The following PPP2R2B variants were observed in gnomAD, a reference collection of about 807,000 sequenced individuals.
PPP2R2B encodes serine/threonine-protein phosphatase 2A 55 kDa regulatory subunit B beta isoform.
In PPP2R2B, 5 loss-of-function variants were observed where a neutral mutation model predicts 46.0. The ratio of observed to expected loss-of-function variants is 0.11; its 90% CI spans 0.06 to 0.23. The LOEUF is 0.23. Ranked by LOEUF, PPP2R2B falls within the 10% of genes least tolerant of loss-of-function variation. PPP2R2B has a pLI of 1.00. For missense variants in PPP2R2B, 367 were observed against 575.0 expected (o/e 0.64, Z 3.70); for synonymous variants, 215 against 206.7 (o/e 1.04, Z -0.34).
intron 1 of PPP2R2B, among the ~76,000 whole-genome samples, chr5:147,052,067 A>G (rs143249297): frequency 4.6e-4 from 70 of 152,058 alleles, no homozygotes; most frequent in Middle Eastern, 3.4e-3. Flanking sequence ...AGACAGTCCA[A>G]TCCTCTTTGC....
intron 5 of PPP2R2B, among the ~76,000 whole-genome samples, chr5:146,662,552 G>C (rs1459890187): frequency 6.6e-6 from 1 of 152,140 alleles, no homozygotes; most frequent in Non-Finnish European, 1.5e-5. Context: ...ACTCTCACAA[G>C]ATGCTGGCAC....
chr5:146,923,043 A>T (rs774885793), intron 1 of PPP2R2B, among the ~76,000 whole-genome samples: 2 of 152,220 alleles, frequency 1.3e-5, no homozygotes, highest in Non-Finnish European at 2.9e-5. Context: ...TCATTTGATG[A>T]CATAGGTGAG....
At chr5:146,674,065 G>C (rs1044231529) in intron 5 of PPP2R2B, among the ~76,000 whole-genome samples, 1 of 152,128 alleles carries the variant, frequency 6.6e-6, no homozygotes. Context: ...CCATCCAAAA[G>C]TAGCAACTGG....
chr5:146,975,169 C>T (rs1485141752), intron 1 of PPP2R2B, among the ~76,000 whole-genome samples: 1 of 152,122 alleles, frequency 6.6e-6, no homozygotes, highest in Admixed American at 6.5e-5. Flanking sequence ...CTCCATTGCA[C>T]CGACCCCCAG....
intron 5 of PPP2R2B, among the ~76,000 whole-genome samples, chr5:146,677,431 TTTTG>T (rs989466752): frequency 5.3e-5 from 8 of 152,242 alleles, no homozygotes; most frequent in South Asian, 2.1e-4. Flanking sequence ...CACCATTTTT[TTTTG>T]TTTGTTTGTT....
rs1484190865 is a variant in PPP2R2B at position 146,832,382 on chromosome 5, T to A, written c.70+45620A>T. ...AAGTAAGTGTGCCATTTTTAATCTT[T>A]TTTTTTTTTTTTTTTTTTTTTTTTT... On this transcript the variant is annotated intron_variant, in intron 2 of 9. Coordinates refer to ENST00000394411, the MANE Select transcript of PPP2R2B (RefSeq NM_181675.4). Among the ~76,000 whole-genome samples the A allele has an allele frequency of 1.6e-5, 2 of 125,092 alleles. 1 individual carries two copies. 82.1% of individuals were successfully genotyped at this position (125,092 alleles called of 152,430 possible). A position where few individuals can be genotyped will look rare whatever the true frequency, so the allele number is the denominator to read the frequency against.
chr5:146,781,515 A>G (rs1755530535), intron 2 of PPP2R2B, among the ~76,000 whole-genome samples: 1 of 152,028 alleles, frequency 6.6e-6, no homozygotes, highest in South Asian at 2.1e-4. Flanking sequence ...GTGGTGCTCA[A>G]GCAAGCATTT....
Position 147,022,817 on chromosome 5 carries a change from A to G in PPP2R2B, c.79+32848T>C, listed in dbSNP as rs1323650449. Among the ~76,000 whole-genome samples, 4 of 152,218 alleles carry G rather than the reference A, an allele frequency of 2.6e-5. No homozygotes were observed. The East Asian group carries it at 5.8e-4, about 22-fold the overall frequency. On this transcript the variant is annotated intron_variant, in intron 1 of 8. Coordinates refer to the PPP2R2B transcript ENST00000336640. ...ATAATGGGAGAATCTAGAGTGTTGA[A>G]AAAAGGAAAAACAAAACCCAGTCTA... is the stretch of plus-strand genomic sequence containing the variant.
At position 146,644,768 on chromosome 5, in the gene PPP2R2B, A is replaced by G. The variant is rs536396857; in HGVS notation, c.625+5779T>C. On this transcript the variant is annotated intron_variant, in intron 6 of 9. Coordinates refer to ENST00000394411, the MANE Select transcript of PPP2R2B (RefSeq NM_181675.4). ...CTAAGAATTTTGATTATTAAACAAGATAATGGAAAAGATAATTTAAGTGGT... is the reference window on the plus strand; with the variant it reads ...CTAAGAATTTTGATTATTAAACAAGGTAATGGAAAAGATAATTTAAGTGGT... Among the ~76,000 whole-genome samples the G allele has an allele frequency of 6.6e-5, 10 of 152,326 alleles. No individual in the cohort carries two copies. The South Asian group carries it at 8.3e-4, about 13-fold the overall frequency.
At chr5:147,009,163 T>A (rs934075900) in intron 1 of PPP2R2B, among the ~76,000 whole-genome samples, 4 of 152,180 alleles carry the variant, frequency 2.6e-5, no homozygotes, top group Non-Finnish European at 5.9e-5. Context: ...TATAAGCAAC[T>A]GGTGAGCTTT....
chr5:146,938,815 G>C (rs1336477695), intron 1 of PPP2R2B, among the ~76,000 whole-genome samples: 1 of 130,396 alleles, frequency 7.7e-6, no homozygotes, highest in Non-Finnish European at 1.5e-5. Flanking sequence ...CCAGGATGGA[G>C]TGATGGAGTG....
chr5:146,935,455 T>C (rs1251048783), intron 1 of PPP2R2B, among the ~76,000 whole-genome samples: 1 of 152,204 alleles, frequency 6.6e-6, no homozygotes, highest in Non-Finnish European at 1.5e-5. Flanking sequence ...GAATGGACTA[T>C]GACACTGTCT....
intron 7 of PPP2R2B, among the ~76,000 whole-genome samples, chr5:146,626,282 A>C (rs935419098): frequency 2.6e-5 from 4 of 152,156 alleles, no homozygotes; most frequent in African/African-American, 9.7e-5. Flanking sequence ...GAGGGGAAAA[A>C]CGGGCTGTTG....
At chr5:147,077,298 A>C (rs971495221) in intron 2 of PPP2R2B, among the ~76,000 whole-genome samples, 2 of 148,390 alleles carry the variant, frequency 1.3e-5, no homozygotes, top group Middle Eastern at 3.6e-3. Context: ...ACACACACAC[A>C]CACACACACA....
At chr5:146,824,584 C>T (rs1758457314) in intron 2 of PPP2R2B, among the ~76,000 whole-genome samples, 1 of 151,922 alleles carries the variant, frequency 6.6e-6, no homozygotes, top group African/African-American at 2.4e-5. Flanking sequence ...GGAGTATGCA[C>T]TAGAAAAAGT....
At chr5:146,849,473 C>T (rs1011623023) in intron 2 of PPP2R2B, among the ~76,000 whole-genome samples, 1 of 152,096 alleles carries the variant, frequency 6.6e-6, no homozygotes, top group African/African-American at 2.4e-5. Flanking sequence ...TGCTGTATCC[C>T]AAGTATAGTG....
At chr5:146,881,412 TTTTA>T (rs1373669158), upstream of PPP2R2B, among the ~76,000 whole-genome samples, 1 of 152,076 alleles carries the variant, frequency 6.6e-6, no homozygotes, top group Admixed American at 6.5e-5. Flanking sequence ...TCTTTTTTTA[TTTTA>T]TTTATTTTAT....
chr5:147,075,201 A>G (rs2151912497), intron 2 of PPP2R2B, among the ~76,000 whole-genome samples: 1 of 152,350 alleles, frequency 6.6e-6, no homozygotes, highest in African/African-American at 2.4e-5. Context: ...AATTTCATGC[A>G]ATGAAATCAT....
At chr5:146,975,748 T>G (rs964060597) in intron 1 of PPP2R2B, among the ~76,000 whole-genome samples, 1 of 152,234 alleles carries the variant, frequency 6.6e-6, no homozygotes, top group African/African-American at 2.4e-5. Flanking sequence ...ATGTTGAACC[T>G]CTTTTCCTAT....
Sources: gnomAD v4.1 joint callset for allele counts (sites outside exome capture counted in the v4.1 genomes callset) on GRCh38, gnomAD v4.1.1 for gene constraint, MANE v1.5 for transcripts, NCBI Gene and HGNC (gene_info 2026-07-23, HGNC 2026-07-21) for gene names.